Variants in SRSF1 observed in about 807,000 individuals in gnomAD.
SRSF1 encodes the protein serine and arginine rich splicing factor 1.
A neutral mutation model predicts 25.9 loss-of-function variants in SRSF1; 1 was observed. The ratio of observed to expected loss-of-function variants is 0.04; its 90% CI spans 0.01 to 0.18. The LOEUF (loss-of-function observed/expected upper bound fraction) is 0.18, where lower values mean the gene tolerates loss of function less well. Ranked by LOEUF, SRSF1 falls within the 10% of genes least tolerant of loss-of-function variation. SRSF1 has a pLI of 1.00. For synonymous variants in SRSF1, 132 were observed against 126.2 expected (o/e 1.05, Z -0.31); for missense variants, 65 against 350.5 (o/e 0.19, Z 6.50).
chr17:57,996,578 G>A (rs1274773968), downstream of SRSF1, among the ~76,000 whole-genome samples: 2 of 151,064 alleles, frequency 1.3e-5, no homozygotes, highest in Non-Finnish European at 2.9e-5. Flanking sequence ...CAGCTTAAGG[G>A]CAACATGTCC....
chr17:57,991,036 C>T, the SRSF1 span: 2 of 152,248 alleles, frequency 1.3e-5, no homozygotes, highest in East Asian at 1.9e-4. Context: ...TTGGTGTTAT[C>T]GAGTGGTTCT....
chr17:58,006,618 C>T, intron 1 of SRSF1, 91 bp from the exon 2 acceptor site: 1 of 1,425,866 alleles, frequency 7.0e-7, no homozygotes, highest in Non-Finnish European at 9.4e-7. Flanking sequence ...CACATGCGCA[C>T]CCAACGTGGA....
At chr17:58,006,706 G>A (rs926011684) in intron 1 of SRSF1, 179 bp from the exon 2 acceptor site, 2 of 886,622 alleles carry the variant, frequency 2.3e-6, no homozygotes, top group Non-Finnish European at 3.3e-6. Flanking sequence ...CACTACACCA[G>A]CCCTCAGCGC....
intron 2 of SRSF1, 85 bp downstream of exon 2, chr17:58,006,258 T>C: frequency 6.8e-7 from 1 of 1,468,134 alleles, no homozygotes; most frequent in Admixed American, 2.3e-5. Context: ...ATGAAAAATT[T>C]GCAATTATTA....
intron 1 of SRSF1, 192 bp downstream of exon 1, chr17:58,006,752 G>A (rs2075431821): frequency 1.1e-6 from 1 of 884,158 alleles, no homozygotes; most frequent in African/African-American, 1.7e-5. Flanking sequence ...ATGGGCTCCG[G>A]GGACGTCCAA....
In SRSF1 at chr17:58,004,674, T is replaced by G. The variant is rs1291811489; in HGVS notation, c.*732A>C. The G allele has an allele frequency of 3.6e-6, 1 of 279,016 alleles. No homozygotes were observed. The highest frequency in any genetic ancestry group is 6.0e-5 in the East Asian group (1 of 16,684). The allele number at this position is 279,016 out of a possible 1,614,324, so 17.3% of individuals were successfully genotyped here. On this transcript the variant is annotated 3_prime_UTR_variant, in exon 4 of 4. Transcript: ENST00000258962. ...AGCACTGTGACAAATTAGCCAGTTCTTCCCACATTAGTCCCTATTAAAACA... is the reference window on the plus strand; with the variant it reads ...AGCACTGTGACAAATTAGCCAGTTCGTCCCACATTAGTCCCTATTAAAACA...
chr17:58,001,748 C>A lies in SRSF1; in HGVS notation c.*3658G>T, dbSNP rs1415346446. On this transcript the variant is annotated 3_prime_UTR_variant, in exon 4 of 4. Coordinates refer to ENST00000258962, the MANE Select transcript of SRSF1 (RefSeq NM_006924.5). ...AGACCTAAAGGTCCATTTTCTGAGA[C>A]TATAAATAGGAGCAGTCCATACTTC... Among the ~76,000 whole-genome samples the A allele has an allele frequency of 6.6e-6, 1 of 152,206 alleles. No homozygotes were observed. Among genetic ancestry groups the A allele is most frequent in the Admixed American group, 6.5e-5 (1 of 15,280 alleles).
Position 58,005,985 on chromosome 17 carries a change from A to T in SRSF1, c.380-12T>A, listed in dbSNP as rs536220362. 2 of 1,567,204 alleles carry T rather than the reference A, an allele frequency of 1.3e-6. No homozygotes were observed. Among genetic ancestry groups the T allele is most frequent in the African/African-American group, 1.4e-5 (1 of 73,398 alleles). On this transcript the variant is annotated splice_polypyrimidine_tract_variant and intron_variant, in intron 2 of 3. Transcript: ENST00000258962. This position sits in a 1 kb window ranked among gnomAD's most constrained non-coding sequence, Gnocchi z 5.2. ...ACTTGGAGGCAGTCCTGAAAAAGTG[A>T]TTTTTTTTTTCTTAGTACCAATTAT...
At chr17:57,989,328 T>C in the SRSF1 span, 99 of 398,644 alleles carry the variant, frequency 2.5e-4, no homozygotes, top group Middle Eastern at 1.9e-3. Flanking sequence ...AGACATCTCC[T>C]GTGGCAGGGA....
chr17:57,994,384 CGA>C, the SRSF1 span: 6 of 152,104 alleles, frequency 3.9e-5, no homozygotes, highest in Non-Finnish European at 8.8e-5. Context: ...AGTCTTCTCC[CGA>C]GAGAACTGAG....
the SRSF1 span, chr17:57,990,612 A>G: frequency 6.6e-6 from 1 of 152,204 alleles, no homozygotes; most frequent in Non-Finnish European, 1.5e-5. Flanking sequence ...AACAAAAAGG[A>G]GCTCTCTCCT....
the SRSF1 span, chr17:57,991,909 T>C: frequency 6.6e-6 from 1 of 152,184 alleles, no homozygotes; most frequent in African/African-American, 2.4e-5. Context: ...AACAAAGTCA[T>C]AGAGAGCAAA....
At position 58,004,540 on chromosome 17, in the gene SRSF1, G is replaced by A. The variant is rs1003567670; in HGVS notation, c.*866C>T. 1 of 156,544 alleles carries A rather than the reference G, an allele frequency of 6.4e-6. No individual in the cohort carries two copies. The highest frequency in any genetic ancestry group is 2.4e-5 in the African/African-American group (1 of 41,570). 9.7% of individuals were successfully genotyped at this position (156,544 alleles called of 1,614,324 possible). A position where few individuals can be genotyped will look rare whatever the true frequency, so the allele number is the denominator to read the frequency against. On this transcript the variant is annotated 3_prime_UTR_variant, in exon 4 of 4. Transcript: ENST00000258962. ...GCAACGCTCTATCAGTCACACAGAG[G>A]ACATGCAGATTTAGCAGTATTGATA... is the stretch of plus-strand genomic sequence containing the variant.
the SRSF1 span, chr17:57,994,777 C>G: frequency 6.6e-6 from 1 of 152,250 alleles, no homozygotes; most frequent in South Asian, 2.1e-4. Flanking sequence ...AAACAAAGAC[C>G]TCTCTAATGT....
chr17:58,006,716 C>A, intron 1 of SRSF1, 189 bp from the exon 2 acceptor site: 1 of 887,442 alleles, frequency 1.1e-6, no homozygotes, highest in Non-Finnish European at 1.7e-6. Flanking sequence ...GCCCTCAGCG[C>A]CTCAGTTTCC....
chr17:58,006,609 A>C, intron 1 of SRSF1, 82 bp from the exon 2 acceptor site: 1 of 1,454,272 alleles, frequency 6.9e-7, no homozygotes, highest in Non-Finnish European at 9.2e-7. Context: ...AACCCCCCGC[A>C]CATGCGCACC....
At chr17:57,992,118 C>A in the SRSF1 span, 1 of 152,208 alleles carries the variant, frequency 6.6e-6, no homozygotes, top group Non-Finnish European at 1.5e-5. Flanking sequence ...AATGCTAAAC[C>A]TATCAGCTTC....
At chr17:57,992,489 AAAAAAAAT>A in the SRSF1 span, 2 of 147,728 alleles carry the variant, frequency 1.4e-5, no homozygotes, top group Middle Eastern at 3.5e-3. Context: ...ATAAAAAATT[AAAAAAAAT>A]AAAAAAATAA....
the SRSF1 span, chr17:57,992,063 C>T: frequency 6.6e-6 from 1 of 152,198 alleles, no homozygotes; most frequent in East Asian, 1.9e-4. Flanking sequence ...GCCATGGAAA[C>T]ACATTTATCA....
Sources: gnomAD v4.1 joint callset for allele counts (sites outside exome capture counted in the v4.1 genomes callset) on GRCh38, gnomAD v4.1.1 for gene constraint, Gnocchi (gnomAD v3.1) non-coding constraint, MANE v1.5 for transcripts, NCBI Gene and HGNC (gene_info 2026-07-23, HGNC 2026-07-21) for gene names.